C2orf80: variants seen among roughly 807,000 people sequenced by gnomAD.
C2orf80 encodes the protein uncharacterized protein C2orf80.
In C2orf80, 28 loss-of-function variants were observed where a neutral mutation model predicts 30.2. The observed-to-expected ratio is 0.93, with a 90% CI of 0.69 to 1.27. The LOEUF is 1.27. Ranked by LOEUF, C2orf80 falls within the 50% of genes most tolerant of loss-of-function variation. The pLI is 0.00. For synonymous variants in C2orf80, 80 were observed against 76.4 expected, an observed-to-expected ratio of 1.05 and a Z score of -0.24; for missense variants, 220 against 231.0, an observed-to-expected ratio of 0.95 and a Z score of 0.31.
chr2:208,189,873 C>G, intron 1 of C2orf80, 80 bp downstream of exon 1: 1 of 698,218 alleles, frequency 1.4e-6, no homozygotes, highest in Non-Finnish European at 2.6e-6. Context: ...CTGCTGCACA[C>G]CTGCAATCGT....
Position 208,165,641 on chromosome 2 carries a change from G to T in C2orf80, c.*166C>A. 5.2e-6 allele frequency: 4 copies of T among 774,078 alleles called. No homozygotes were observed. The highest frequency in any genetic ancestry group is 2.2e-5 in the South Asian group (1 of 44,960). The allele number at this position is 774,078 out of a possible 1,614,324, so 48.0% of individuals were successfully genotyped here. ...TTAAGAAAATGTAGCCATGCAATAT[G>T]CTTCTAAAAGAAGAAAGCTCAACAT... On this transcript the variant is annotated 3_prime_UTR_variant, in exon 9 of 9. Transcript: ENST00000341287.
intron 6 of C2orf80, 127 bp downstream of exon 6, chr2:208,180,617 GT>G: frequency 1.4e-6 from 1 of 718,760 alleles, no homozygotes; most frequent in Non-Finnish European, 2.3e-6. Flanking sequence ...GTTATGTCTG[GT>G]TTTGTACATT....
chr2:208,178,578 T>A (rs529625582), intron 6 of C2orf80, among the ~76,000 whole-genome samples: 5 of 152,016 alleles, frequency 3.3e-5, no homozygotes, highest in South Asian at 4.1e-4. Context: ...GGCTTATATC[T>A]CAAACAAGGT....
intron 8 of C2orf80, among the ~76,000 whole-genome samples, chr2:208,166,118 TAAATA>T (rs746722297): frequency 6.6e-6 from 1 of 152,206 alleles, no homozygotes. Context: ...GAGAGTACAT[TAAATA>T]AAAGTACCAA....
intron 8 of C2orf80, chr2:208,168,395 C>T (rs1241989711): frequency 9.6e-6 from 3 of 313,550 alleles, no homozygotes; most frequent in East Asian, 1.5e-4. Context: ...AGAGTTGGGC[C>T]GGGCGCGGTG....
chr2:208,166,829 T>C (rs759253777), intron 8 of C2orf80, among the ~76,000 whole-genome samples: 17 of 152,212 alleles, frequency 1.1e-4, no homozygotes, highest in Non-Finnish European at 2.2e-4. Flanking sequence ...TTTTCTATTT[T>C]TTAGTAGAGA....
At chr2:208,168,505 C>G (rs1286934567) in intron 8 of C2orf80, 1 of 174,102 alleles carries the variant, frequency 5.7e-6, no homozygotes, top group Non-Finnish European at 1.2e-5. Flanking sequence ...ACTAAAAATA[C>G]AAAAAATTAG....
Position 208,165,543 on chromosome 2 carries a change from T to C in C2orf80, c.*264A>G, listed in dbSNP as rs1246229602. On this transcript the variant is annotated 3_prime_UTR_variant, in exon 9 of 9. Coordinates refer to ENST00000341287, the MANE Select transcript of C2orf80 (RefSeq NM_001099334.3). ...AAGCCAGCTTGCTCTAACACAGAAA[T>C]ACTATATACTTTCTGAATTCTCCAG... is the stretch of plus-strand genomic sequence containing the variant. 1 of 373,280 alleles carries C rather than the reference T, an allele frequency of 2.7e-6. No individual in the cohort carries two copies. The highest frequency in any genetic ancestry group is 4.9e-5 in the South Asian group (1 of 20,352). 23.1% of individuals were successfully genotyped at this position (373,280 alleles called of 1,614,324 possible).
Position 208,176,973 on chromosome 2 carries a change from A to ATG in C2orf80, c.366+3771_366+3772insCA, listed in dbSNP as rs56730997. 5.0e-3 allele frequency among the ~76,000 whole-genome samples: 463 copies of ATG among 91,774 alleles called. 3 individuals carry two copies. Among genetic ancestry groups the ATG allele is most frequent in the Middle Eastern group, 9.1e-3 (1 of 110 alleles). The allele number at this position is 91,774 out of a possible 152,430, so 60.2% of individuals were successfully genotyped here. A position where few individuals can be genotyped will look rare whatever the true frequency, so the allele number is the denominator to read the frequency against. On this transcript the variant is annotated intron_variant, in intron 6 of 8. Coordinates refer to ENST00000341287, the MANE Select transcript of C2orf80 (RefSeq NM_001099334.3). ...CATATCTGTATACATATGTATACAT[A>ATG]TATACAGAAATGTATATGTATACAT...
intron 6 of C2orf80, among the ~76,000 whole-genome samples, chr2:208,172,837 C>T (rs565961392): frequency 2.0e-5 from 3 of 152,256 alleles, no homozygotes; most frequent in African/African-American, 7.2e-5. Context: ...GATAACTTGG[C>T]CAGGCGCAGT....
chr2:208,166,921 A>G (rs2105887021), intron 8 of C2orf80, among the ~76,000 whole-genome samples: 1 of 152,242 alleles, frequency 6.6e-6, no homozygotes, highest in East Asian at 1.9e-4. Context: ...AAGTGCTGGG[A>G]TTACAGGCGT....
chr2:208,178,826 C>T (rs1460800807), intron 6 of C2orf80, among the ~76,000 whole-genome samples: 2 of 152,080 alleles, frequency 1.3e-5, no homozygotes, highest in Non-Finnish European at 2.9e-5. Flanking sequence ...GGCATGATCT[C>T]AGCTCACTGC....
At chr2:208,176,442 C>T (rs1346583756) in intron 6 of C2orf80, among the ~76,000 whole-genome samples, 2 of 152,214 alleles carry the variant, frequency 1.3e-5, no homozygotes, top group Non-Finnish European at 2.9e-5. Context: ...TCCCAAAGTG[C>T]TGGGATTACT....
chr2:208,184,289 A>G (rs1489262879), intron 3 of C2orf80, among the ~76,000 whole-genome samples: 3 of 152,148 alleles, frequency 2.0e-5, no homozygotes, highest in Non-Finnish European at 4.4e-5. Context: ...TCTGTTTAAT[A>G]TGTGTACACA....
At chr2:208,175,049 G>C (rs1250144767) in intron 6 of C2orf80, among the ~76,000 whole-genome samples, 1 of 152,150 alleles carries the variant, frequency 6.6e-6, no homozygotes, top group Non-Finnish European at 1.5e-5. Context: ...GGAGGCCGAG[G>C]GGGGTGGGTG....
At chr2:208,167,309 G>A (rs1393001591) in intron 8 of C2orf80, among the ~76,000 whole-genome samples, 1 of 151,840 alleles carries the variant, frequency 6.6e-6, no homozygotes, top group Non-Finnish European at 1.5e-5. Context: ...GGATCACGAG[G>A]TCAGGAGTTC....
intron 6 of C2orf80, among the ~76,000 whole-genome samples, chr2:208,178,679 C>G (rs1401781357): frequency 6.6e-6 from 1 of 151,896 alleles, no homozygotes; most frequent in Non-Finnish European, 1.5e-5. Context: ...TAGGGGAGGC[C>G]AAGGTGGGAG....
intron 1 of C2orf80, among the ~76,000 whole-genome samples, chr2:208,188,448 ATTT>A (rs1177780286): frequency 1.4e-5 from 2 of 140,158 alleles, no homozygotes; most frequent in African/African-American, 2.6e-5. Flanking sequence ...ATTATTTTGG[ATTT>A]TTTTTTTTTT....
In C2orf80 at chr2:208,175,879, A is replaced by T. The variant is rs145998870; in HGVS notation, c.367-3804T>A. Among the ~76,000 whole-genome samples, 32 of 152,252 alleles carry T rather than the reference A, an allele frequency of 2.1e-4. No homozygotes were observed. The East Asian group carries it at 5.8e-3, about 28-fold the overall frequency. On this transcript the variant is annotated intron_variant, in intron 6 of 8. Coordinates refer to ENST00000341287, the MANE Select transcript of C2orf80 (RefSeq NM_001099334.3). ...AGGTCCTGCTAATGCCTAATTCAAA[A>T]TGTGGCAAAAGTCCCTGTGTGCAGC...
Sources: gnomAD v4.1 joint callset for allele counts (sites outside exome capture counted in the v4.1 genomes callset) on GRCh38, gnomAD v4.1.1 for gene constraint, MANE v1.5 for transcripts, NCBI Gene and HGNC (gene_info 2026-07-23, HGNC 2026-07-21) for gene names.